The following ST6GALNAC5 variants were observed in gnomAD, a reference collection of about 807,000 sequenced individuals.
ST6GALNAC5 encodes the protein ST6 N-acetylgalactosaminide alpha-2,6-sialyltransferase 5.
In ST6GALNAC5, 27 loss-of-function variants were observed where a neutral mutation model predicts 33.6. The ratio of observed to expected loss-of-function variants is 0.80; its 90% CI spans 0.59 to 1.11. The LOEUF (loss-of-function observed/expected upper bound fraction) is 1.11, where lower values mean the gene tolerates loss of function less well. Among genes scored for constraint, ST6GALNAC5 ranks in the 50% least tolerant of loss-of-function variants. The pLI, the probability that ST6GALNAC5 is intolerant of heterozygous loss-of-function variation, is 0.00. For missense variants in ST6GALNAC5, 428 were observed against 454.0 expected (o/e 0.94, Z 0.52); for synonymous variants, 194 against 171.2 (o/e 1.13, Z -1.04).
At chr1:77,001,145 G>C (rs1425332147) in intron 2 of ST6GALNAC5, among the ~76,000 whole-genome samples, 2 of 150,080 alleles carry the variant, frequency 1.3e-5, no homozygotes, top group Non-Finnish European at 3.0e-5. Flanking sequence ...TCTTCCATTT[G>C]TTTGTATCCT....
intron 2 of ST6GALNAC5, among the ~76,000 whole-genome samples, chr1:77,024,788 C>A (rs1413015911): frequency 6.6e-6 from 1 of 152,186 alleles, no homozygotes; most frequent in East Asian, 1.9e-4. Context: ...ATTCAGTAGT[C>A]CACAGTCCTG....
At position 77,064,576 on chromosome 1, in the gene ST6GALNAC5, A is replaced by G. The variant is rs1319578028; in HGVS notation, c.*1370A>G. On this transcript the variant is annotated 3_prime_UTR_variant, in exon 5 of 5. Coordinates refer to ENST00000477717, the MANE Select transcript of ST6GALNAC5 (RefSeq NM_030965.3). ...GTTTAGACTCACTACAAATCTTCTTAGATTATATTCATTACCATTCCCTGG... is the reference window on the plus strand; with the variant it reads ...GTTTAGACTCACTACAAATCTTCTTGGATTATATTCATTACCATTCCCTGG... 2.6e-5 allele frequency: 4 copies of G among 152,196 alleles called. No individual in the cohort carries two copies. Among genetic ancestry groups the G allele is most frequent in the African/African-American group, 4.8e-5 (2 of 41,458 alleles). 9.4% of individuals were successfully genotyped at this position (152,196 alleles called of 1,614,324 possible).
chr1:76,911,346 A>G (rs1479584270), intron 2 of ST6GALNAC5, among the ~76,000 whole-genome samples: 2 of 152,130 alleles, frequency 1.3e-5, no homozygotes, highest in Non-Finnish European at 2.9e-5. Context: ...TTGGTTTGCC[A>G]GTATTTTATT....
chr1:76,985,421 G>A (rs939305753), intron 2 of ST6GALNAC5, among the ~76,000 whole-genome samples: 4 of 152,104 alleles, frequency 2.6e-5, no homozygotes, highest in African/African-American at 9.7e-5. Context: ...TTGCTACAAA[G>A]AGAATAAAAT....
chr1:76,949,286 T>C (rs980696583), intron 2 of ST6GALNAC5, among the ~76,000 whole-genome samples: 3 of 152,190 alleles, frequency 2.0e-5, no homozygotes, highest in Admixed American at 6.5e-5. Context: ...ACAGTCTTGA[T>C]CTGTCAGAAC....
At chr1:76,882,094 A>G (rs556196967) in intron 2 of ST6GALNAC5, among the ~76,000 whole-genome samples, 1 of 152,342 alleles carries the variant, frequency 6.6e-6, no homozygotes, top group African/African-American at 2.4e-5. Flanking sequence ...ATAAATATTT[A>G]AACATCTTAT....
chr1:76,911,525 T>C (rs1044835345), intron 2 of ST6GALNAC5, among the ~76,000 whole-genome samples: 1 of 152,064 alleles, frequency 6.6e-6, no homozygotes, highest in African/African-American at 2.4e-5. Flanking sequence ...ATGGTACCAG[T>C]TCCTCCTTGT....
intron 2 of ST6GALNAC5, among the ~76,000 whole-genome samples, chr1:76,975,423 G>C (rs961063066): frequency 2.6e-5 from 4 of 152,240 alleles, no homozygotes; most frequent in Admixed American, 6.5e-5. Context: ...AACTGCACTT[G>C]GTGAGAGTGA....
chr1:76,977,539 G>A (rs531427781), intron 2 of ST6GALNAC5, among the ~76,000 whole-genome samples: 1 of 152,184 alleles, frequency 6.6e-6, no homozygotes, highest in South Asian at 2.1e-4. Flanking sequence ...AACTTTTTTA[G>A]AGTACACAAA....
chr1:77,052,949 G>A (rs968738308), intron 4 of ST6GALNAC5, among the ~76,000 whole-genome samples: 2 of 149,600 alleles, frequency 1.3e-5, no homozygotes, highest in African/African-American at 2.5e-5. Context: ...ACAATTTTAA[G>A]GGGGGCTTCA....
chr1:76,915,522 G>A (rs958234530), intron 2 of ST6GALNAC5, among the ~76,000 whole-genome samples: 2 of 152,088 alleles, frequency 1.3e-5, no homozygotes, highest in African/African-American at 4.8e-5. Flanking sequence ...CATAAAAAAT[G>A]ATGAGTTCCT....
chr1:76,890,044 C>T (rs1326906554), intron 2 of ST6GALNAC5, among the ~76,000 whole-genome samples: 2 of 152,030 alleles, frequency 1.3e-5, no homozygotes, highest in Non-Finnish European at 2.9e-5. Context: ...TATCATCACT[C>T]TACACTCATC....
At chr1:77,033,380 T>A (rs866546662) in intron 2 of ST6GALNAC5, among the ~76,000 whole-genome samples, 53 of 152,180 alleles carry the variant, frequency 3.5e-4, no homozygotes, top group Non-Finnish European at 8.8e-5. Context: ...CAGAAATTTT[T>A]AAAAAGTTTA....
At chr1:76,918,849 C>G (rs1218539642) in intron 2 of ST6GALNAC5, among the ~76,000 whole-genome samples, 1 of 152,106 alleles carries the variant, frequency 6.6e-6, no homozygotes, top group Admixed American at 6.6e-5. Context: ...AAAGTGGCCT[C>G]TACACTGAAG....
chr1:77,005,153 G>GC (rs1380715974), intron 2 of ST6GALNAC5, among the ~76,000 whole-genome samples: 2 of 152,226 alleles, frequency 1.3e-5, no homozygotes, highest in Non-Finnish European at 1.5e-5. Context: ...GACTCCGTGG[G>GC]GTAGTACCCT....
chr1:77,011,559 C>T (rs1650635680), intron 2 of ST6GALNAC5, among the ~76,000 whole-genome samples: 1 of 152,112 alleles, frequency 6.6e-6, no homozygotes, highest in Admixed American at 6.5e-5. Flanking sequence ...CAAGGTTATA[C>T]TTTAGACTAA....
chr1:77,006,515 G>A (rs7544535), intron 2 of ST6GALNAC5, among the ~76,000 whole-genome samples: 52,333 of 151,316 alleles, frequency 0.35, 11,056 homozygotes, highest in East Asian at 0.49. Context: ...TAGAGACAGG[G>A]TTTCACCATA....
intron 2 of ST6GALNAC5, among the ~76,000 whole-genome samples, chr1:76,938,427 GA>G (rs565147386): frequency 2.5e-4 from 38 of 152,164 alleles, no homozygotes; most frequent in Admixed American, 5.9e-4. Flanking sequence ...AGCTACTGGG[GA>G]GGAAAAGGGA....
Position 77,044,002 on chromosome 1 carries a change from C to T in ST6GALNAC5, c.262-202C>T, listed in dbSNP as rs557555311. On this transcript the variant is annotated intron_variant, in intron 2 of 4. Coordinates refer to ENST00000477717, the MANE Select transcript of ST6GALNAC5 (RefSeq NM_030965.3). Reference sequence around the variant, plus strand: ...ACAGGTCAGTGCTAGCTCCCTTTTGCTCTTGTCCATTGTTCCCTGTCACCC... The same window carrying T: ...ACAGGTCAGTGCTAGCTCCCTTTTGTTCTTGTCCATTGTTCCCTGTCACCC... Among the ~76,000 whole-genome samples, 8 of 152,320 alleles carry T rather than the reference C, an allele frequency of 5.3e-5. No homozygotes were observed. The South Asian group carries it at 1.7e-3, about 32-fold the overall frequency.
Sources: allele counts gnomAD v4.1 joint callset (sites outside exome capture counted in the v4.1 genomes callset), GRCh38; gene constraint gnomAD v4.1.1; transcripts MANE v1.5; gene names NCBI Gene and HGNC (gene_info 2026-07-23, HGNC 2026-07-21).